The following PROSER2 variants were observed in gnomAD, a reference collection of about 807,000 sequenced individuals.
PROSER2 encodes proline and serine-rich protein 2.
In PROSER2, 18 loss-of-function variants were observed where a neutral mutation model predicts 14.6. The ratio of observed to expected loss-of-function variants is 1.23; its 90% CI spans 0.85 to 1.83. PROSER2 has a LOEUF of 1.83. Among genes scored for constraint, PROSER2 ranks in the 40% most tolerant of loss-of-function variants. The pLI is 0.00. For missense variants in PROSER2, 823 were observed against 629.8 expected, an observed-to-expected ratio of 1.31 and a Z score of -3.28; for synonymous variants, 367 against 286.4, an observed-to-expected ratio of 1.28 and a Z score of -2.84.
intron 1 of PROSER2, among the ~76,000 whole-genome samples, chr10:11,842,039 A>C (rs991352226): frequency 6.6e-6 from 1 of 152,136 alleles, no homozygotes; most frequent in African/African-American, 2.4e-5. Flanking sequence ...CCTGGGCAAC[A>C]TGTGGAACCC....
At position 11,824,263 on chromosome 10, in the gene PROSER2, A is replaced by G. The variant is rs1421463740; in HGVS notation, c.-82+793A>G. 2.0e-5 allele frequency among the ~76,000 whole-genome samples: 3 copies of G among 152,176 alleles called. No homozygotes were observed. The East Asian group carries it at 5.8e-4, about 29-fold the overall frequency. ...GAGTGTGTGTGTGTTTTTCCACCCT[A>G]AACAGAGTAAAACGTTCAGATCTGT... On this transcript the variant is annotated intron_variant, in intron 1 of 3. Coordinates refer to ENST00000277570, the MANE Select transcript of PROSER2 (RefSeq NM_153256.4).
intron 1 of PROSER2, among the ~76,000 whole-genome samples, chr10:11,835,596 C>T (rs187103362): frequency 2.0e-5 from 3 of 152,240 alleles, no homozygotes; most frequent in Admixed American, 1.3e-4. Flanking sequence ...GTCTTGACAT[C>T]ATTCATTGCT....
chr10:11,869,778 C>A lies in PROSER2; in HGVS notation c.680C>A (p.Thr227Lys). The A allele has an allele frequency of 6.4e-7, 1 of 1,560,040 alleles. No homozygotes were observed. The highest frequency in any genetic ancestry group is 1.2e-5 in the South Asian group (1 of 83,268). ...GAGGGCCGGCCCGGGGAGTGGAGGA[C>A]ACCTGCCGCCCGGGGGCCCCGCAGT... ...FREGRPGEWRTPAARGPRSGD... is the reference protein window; with the variant it reads ...FREGRPGEWRKPAARGPRSGD... Residue 227 changes from threonine to lysine, a missense_variant, in exon 4 of 4, where the codon ACA becomes AAA. Transcript: ENST00000277570. This position sits in a 1 kb window ranked among gnomAD's most constrained non-coding sequence, Gnocchi z 4.4.
At chr10:11,842,904 C>CATTTTCTATACT (rs1833864578) in intron 1 of PROSER2, among the ~76,000 whole-genome samples, 1 of 124,828 alleles carries the variant, frequency 8.0e-6, no homozygotes, top group Non-Finnish European at 1.8e-5. Flanking sequence ...CAGAACTCCT[C>CATTTTCTATACT]ATTTTCTATA....
intron 2 of PROSER2, among the ~76,000 whole-genome samples, chr10:11,859,617 T>C (rs1191755561): frequency 6.6e-6 from 1 of 152,160 alleles, no homozygotes; most frequent in Admixed American, 6.5e-5. Context: ...AGCAAACGCC[T>C]CTTCCAACAG....
At chr10:11,848,806 A>C (rs1304552461) in intron 1 of PROSER2, among the ~76,000 whole-genome samples, 2 of 152,178 alleles carry the variant, frequency 1.3e-5, no homozygotes, top group Non-Finnish European at 2.9e-5. Flanking sequence ...CCATTTTTCA[A>C]ACAGGCTTAC....
At chr10:11,859,650 C>G (rs1297144142) in intron 2 of PROSER2, among the ~76,000 whole-genome samples, 1 of 152,196 alleles carries the variant, frequency 6.6e-6, no homozygotes, top group Non-Finnish European at 1.5e-5. Flanking sequence ...CAGGAGCCTC[C>G]ACTGCGGGCT....
In PROSER2 at chr10:11,826,108, A is replaced by G. The variant is rs112817033; in HGVS notation, c.-82+2638A>G. Reference sequence around the variant, plus strand: ...AGACTTGCCCCTTCTGGATGTTTATACAGATGGAATCTTAAAATCTGTGGC... The same window carrying G: ...AGACTTGCCCCTTCTGGATGTTTATGCAGATGGAATCTTAAAATCTGTGGC... On this transcript the variant is annotated intron_variant, in intron 1 of 3. Transcript: ENST00000277570. Among the ~76,000 whole-genome samples the G allele has an allele frequency of 7.1e-3, 1,076 of 152,190 alleles. 14 individuals carry two copies. Among genetic ancestry groups the G allele is most frequent in the African/African-American group, 0.025 (1,018 of 41,506 alleles).
intron 1 of PROSER2, among the ~76,000 whole-genome samples, chr10:11,840,012 C>T (rs1016666287): frequency 3.3e-5 from 5 of 151,000 alleles, no homozygotes; most frequent in Non-Finnish European, 7.4e-5. Context: ...AGTGCAGTGG[C>T]CATGATCTCA....
intron 1 of PROSER2, among the ~76,000 whole-genome samples, chr10:11,840,785 C>T (rs973621639): frequency 6.6e-5 from 10 of 151,218 alleles, no homozygotes; most frequent in Non-Finnish European, 1.0e-4. Context: ...ATTAGCTGGG[C>T]GTGGTGGCTC....
intron 2 of PROSER2, among the ~76,000 whole-genome samples, chr10:11,860,168 A>T (rs1588497094): frequency 6.6e-6 from 1 of 152,232 alleles, no homozygotes; most frequent in South Asian, 2.1e-4. Context: ...TCAGGGCACA[A>T]GGCCAGACTG....
At position 11,852,226 on chromosome 10, in the gene PROSER2, G is replaced by A. The variant is rs958239675; in HGVS notation, c.138+11G>A. The A allele has an allele frequency of 1.3e-6, 2 of 1,585,824 alleles. No individual in the cohort carries two copies. Among genetic ancestry groups the A allele is most frequent in the Non-Finnish European group, 1.7e-6 (2 of 1,162,242 alleles). On this transcript the variant is annotated intron_variant, in intron 2 of 3. Coordinates refer to ENST00000277570, the MANE Select transcript of PROSER2 (RefSeq NM_153256.4). ...AGAAGCTTCACTTTGGTGAGTGACA[G>A]TTTTTCTTTCATGCTTTCCTGTGCC...
At chr10:11,833,908 T>C (rs1387934441) in intron 1 of PROSER2, among the ~76,000 whole-genome samples, 1 of 151,684 alleles carries the variant, frequency 6.6e-6, no homozygotes, top group African/African-American at 2.4e-5. Flanking sequence ...GGTAGAGTTT[T>C]TGAGCCAAGC....
At chr10:11,844,098 C>T (rs1463952272) in intron 1 of PROSER2, among the ~76,000 whole-genome samples, 1 of 152,056 alleles carries the variant, frequency 6.6e-6, no homozygotes, top group Non-Finnish European at 1.5e-5. Context: ...CTCAAGTGAT[C>T]CTCCCACTGC....
At chr10:11,843,972 A>T (rs758933063) in intron 1 of PROSER2, among the ~76,000 whole-genome samples, 1 of 152,042 alleles carries the variant, frequency 6.6e-6, no homozygotes, top group Non-Finnish European at 1.5e-5. Flanking sequence ...CTTCTTTGAA[A>T]ATAATCTGTC....
At chr10:11,832,628 C>T (rs964593495) in intron 1 of PROSER2, among the ~76,000 whole-genome samples, 4 of 152,108 alleles carry the variant, frequency 2.6e-5, no homozygotes, top group African/African-American at 9.7e-5. Flanking sequence ...ACTCACTCCC[C>T]TCCACCGCCC....
chr10:11,839,804 A>T (rs71487597), intron 1 of PROSER2, among the ~76,000 whole-genome samples: 17 of 150,190 alleles, frequency 1.1e-4, no homozygotes, highest in Admixed American at 1.1e-3. Context: ...CAGCCTGGGC[A>T]ACAGAGTGAG....
At chr10:11,849,048 G>T (rs943181565) in intron 1 of PROSER2, among the ~76,000 whole-genome samples, 2 of 150,302 alleles carry the variant, frequency 1.3e-5, no homozygotes, top group Non-Finnish European at 2.9e-5. Context: ...TTAGCTGGGC[G>T]TGGTGGCGCA....
chr10:11,843,130 C>T (rs1435403610), intron 1 of PROSER2, among the ~76,000 whole-genome samples: 5 of 149,306 alleles, frequency 3.3e-5, no homozygotes, highest in Admixed American at 6.7e-5. Flanking sequence ...TTAGTATAGA[C>T]GGGGTTTCAC....
Sources: gnomAD v4.1 joint callset for allele counts (sites outside exome capture counted in the v4.1 genomes callset) on GRCh38, gnomAD v4.1.1 for gene constraint, Gnocchi (gnomAD v3.1) non-coding constraint, MANE v1.5 for transcripts, NCBI Gene and HGNC (gene_info 2026-07-23, HGNC 2026-07-21) for gene names.